The following CCDC102B variants were observed in gnomAD, a reference collection of about 807,000 sequenced individuals.
The protein encoded by CCDC102B is coiled-coil domain-containing protein 102B.
CCDC102B carries 75 observed loss-of-function variants against 57.4 expected under a neutral mutation model. The ratio of observed to expected loss-of-function variants is 1.31; its 90% CI spans 1.08 to 1.58. CCDC102B has a LOEUF of 1.58. Among genes scored for constraint, CCDC102B ranks in the 40% most tolerant of loss-of-function variants. The pLI is 0.00. For synonymous variants in CCDC102B, 206 were observed against 201.9 expected (o/e 1.02, Z -0.17); for missense variants, 636 against 582.6 (o/e 1.09, Z -0.94).
intron 1 of CCDC102B, among the ~76,000 whole-genome samples, chr18:68,811,201 T>C (rs2036250860): frequency 6.6e-6 from 1 of 152,230 alleles, no homozygotes; most frequent in East Asian, 1.9e-4. Context: ...TATAATCCTT[T>C]GGGTATATAC....
In CCDC102B at chr18:68,863,101, A is replaced by T. The variant is rs564312497; in HGVS notation, c.937-11568A>T. Among the ~76,000 whole-genome samples, 437 of 151,926 alleles carry T rather than the reference A, an allele frequency of 2.9e-3. 5 individuals carry two copies. The highest frequency in any genetic ancestry group is 9.7e-3 in the African/African-American group (402 of 41,530). ...TCAATTTACTAAGAAATACGATTTT[A>T]AAATCATTTACTTTATTTGAATCAG... On this transcript the variant is annotated intron_variant, in intron 4 of 7. Transcript: ENST00000360242.
At chr18:68,856,318 T>C (rs1278632061) in intron 4 of CCDC102B, among the ~76,000 whole-genome samples, 1 of 152,136 alleles carries the variant, frequency 6.6e-6, no homozygotes, top group East Asian at 1.9e-4. Flanking sequence ...AGACACACGG[T>C]GTTGCTCTGT....
intron 7 of CCDC102B, among the ~76,000 whole-genome samples, chr18:69,011,876 C>G (rs1178308518): frequency 1.3e-5 from 2 of 152,128 alleles, no homozygotes; most frequent in Admixed American, 6.5e-5. Flanking sequence ...AAAAAATAAG[C>G]AGCTGAATTA....
chr18:68,807,059 T>C (rs1346077813), intron 1 of CCDC102B, among the ~76,000 whole-genome samples: 2 of 152,162 alleles, frequency 1.3e-5, no homozygotes, highest in East Asian at 1.9e-4. Context: ...GGAACACATA[T>C]GAGTTTGAAC....
intron 6 of CCDC102B, among the ~76,000 whole-genome samples, chr18:68,936,402 T>C (rs2049239160): frequency 6.6e-6 from 1 of 152,002 alleles, no homozygotes; most frequent in African/African-American, 2.4e-5. Flanking sequence ...ACCTCTCCAG[T>C]AGTTTTGTAT....
intron 2 of CCDC102B, among the ~76,000 whole-genome samples, chr18:68,721,838 T>C (rs2032346573): frequency 1.3e-5 from 2 of 152,340 alleles, no homozygotes; most frequent in African/African-American, 4.8e-5. Context: ...CTTTTAGCCT[T>C]AGCAAAAGCG....
At chr18:68,905,954 C>T (rs1029579996) in intron 6 of CCDC102B, among the ~76,000 whole-genome samples, 8 of 151,884 alleles carry the variant, frequency 5.3e-5, no homozygotes, top group East Asian at 1.9e-4. Context: ...CCACCACGCC[C>T]GGCTAATTTT....
At chr18:68,937,114 T>C (rs1234446724) in intron 6 of CCDC102B, among the ~76,000 whole-genome samples, 2 of 152,174 alleles carry the variant, frequency 1.3e-5, no homozygotes, top group South Asian at 2.1e-4. Context: ...TTCATTAACA[T>C]TGACCTTATA....
rs2034443722 is a variant in CCDC102B at position 68,765,557 on chromosome 18, C to G, written c.-67+48963C>G. ...AGAAAATAAGTGGAAGCCAAAGGGA[C>G]TATAGTAATTTTTAAATTTACATAA... is the stretch of plus-strand genomic sequence containing the variant. On this transcript the variant is annotated intron_variant, in intron 2 of 3. Coordinates refer to the CCDC102B transcript ENST00000578970. 2.6e-5 allele frequency among the ~76,000 whole-genome samples: 4 copies of G among 152,116 alleles called. No individual in the cohort carries two copies. The South Asian group carries it at 8.3e-4, about 32-fold the overall frequency.
intron 2 of CCDC102B, among the ~76,000 whole-genome samples, chr18:68,739,327 G>A (rs1022877414): frequency 2.0e-5 from 3 of 152,116 alleles, no homozygotes; most frequent in Non-Finnish European, 2.9e-5. Context: ...GATATGCACC[G>A]AAATTTCTAG....
intron 6 of CCDC102B, among the ~76,000 whole-genome samples, chr18:68,921,574 A>AT: frequency 6.6e-6 from 1 of 152,326 alleles, no homozygotes; most frequent in South Asian, 2.1e-4. Context: ...AATATAGAAA[A>AT]TTAAGGCAAT....
chr18:68,877,317 T>C (rs1231612988), intron 5 of CCDC102B, among the ~76,000 whole-genome samples: 1 of 152,188 alleles, frequency 6.6e-6, no homozygotes, highest in Non-Finnish European at 1.5e-5. Context: ...CCACCTCCCT[T>C]CTTTAGAAAG....
intron 6 of CCDC102B, among the ~76,000 whole-genome samples, chr18:68,929,829 T>C (rs377073492): frequency 2.0e-5 from 3 of 151,134 alleles, no homozygotes; most frequent in East Asian, 3.9e-4. Flanking sequence ...ATGTATATAA[T>C]ACACACACAC....
At chr18:68,981,273 A>G (rs1599789157) in intron 6 of CCDC102B, among the ~76,000 whole-genome samples, 1 of 152,112 alleles carries the variant, frequency 6.6e-6, no homozygotes, top group East Asian at 1.9e-4. Context: ...AGAGAAGAAG[A>G]GACAGGGAAA....
At chr18:69,039,987 G>C (rs2052389886) in intron 7 of CCDC102B, among the ~76,000 whole-genome samples, 1 of 151,786 alleles carries the variant, frequency 6.6e-6, no homozygotes, top group African/African-American at 2.4e-5. Flanking sequence ...TACTTTTGCA[G>C]TTAAATTATA....
At chr18:68,980,964 A>G (rs1233041153) in intron 6 of CCDC102B, among the ~76,000 whole-genome samples, 4 of 152,046 alleles carry the variant, frequency 2.6e-5, no homozygotes, top group African/African-American at 4.8e-5. Context: ...GAGCAACATT[A>G]TAAGTCCCAA....
upstream of CCDC102B, among the ~76,000 whole-genome samples, chr18:68,795,581 A>G (rs9954263): frequency 0.015 from 2,214 of 152,172 alleles, 45 homozygotes; most frequent in African/African-American, 0.05. Flanking sequence ...TTGTAGACCT[A>G]TCACTCCAAT....
At chr18:69,013,537 A>G (rs1398668588) in intron 7 of CCDC102B, among the ~76,000 whole-genome samples, 1 of 152,230 alleles carries the variant, frequency 6.6e-6, no homozygotes, top group Non-Finnish European at 1.5e-5. Flanking sequence ...ATAAAAAAAG[A>G]AATACCTTTG....
chr18:68,806,076 C>T (rs893589345), intron 1 of CCDC102B, among the ~76,000 whole-genome samples: 1 of 152,132 alleles, frequency 6.6e-6, no homozygotes, highest in South Asian at 2.1e-4. Flanking sequence ...ATGTGTTTAT[C>T]ATTTTGCCAA....
Sources: allele counts gnomAD v4.1 joint callset (sites outside exome capture counted in the v4.1 genomes callset), GRCh38; gene constraint gnomAD v4.1.1; transcripts MANE v1.5; gene names NCBI Gene and HGNC (gene_info 2026-07-23, HGNC 2026-07-21).